The following SLC15A5 variants were observed in gnomAD, a reference collection of about 807,000 sequenced individuals.
The protein encoded by SLC15A5 is solute carrier family 15 member 5.
SLC15A5 carries 58 observed loss-of-function variants against 56.1 expected under a neutral mutation model. That is an observed-to-expected ratio of 1.03 (90% CI 0.84 to 1.29). The LOEUF is 1.29. SLC15A5 is among the 50% of genes most tolerant of loss of function. The probability of loss-of-function intolerance (pLI) is 0.00; values close to 1 mark genes in which losing one functional copy is unlikely to be tolerated. For synonymous variants in SLC15A5, 264 were observed against 250.5 expected (o/e 1.05, Z -0.51); for missense variants, 681 against 672.1 (o/e 1.01, Z -0.15).
At chr12:16,244,494 G>A (rs1035098305) in intron 4 of SLC15A5, 86 bp downstream of exon 4, 19 of 1,238,252 alleles carry the variant, frequency 1.5e-5, no homozygotes, top group South Asian at 1.1e-4. Flanking sequence ...GAAAGCGCTC[G>A]TTGGGGAGAA....
At chr12:16,254,570 C>T (rs1291334355) in intron 3 of SLC15A5, among the ~76,000 whole-genome samples, 7 of 151,938 alleles carry the variant, frequency 4.6e-5, no homozygotes, top group Admixed American at 4.6e-4. Context: ...GTATAGATAC[C>T]ACATTTTCTT....
In SLC15A5 at chr12:16,257,873, G is replaced by A. The variant is rs1864593155; in HGVS notation, c.585-3C>T. On this transcript the variant is annotated splice_region_variant and splice_polypyrimidine_tract_variant and intron_variant, in intron 2 of 8. Transcript: ENST00000344941. Reference sequence around the variant, plus strand: ...TTAGGTTCATGAGCCAATAAAACCTGGGGTATACAGACAGACAAAAATAAA... The same window carrying A: ...TTAGGTTCATGAGCCAATAAAACCTAGGGTATACAGACAGACAAAAATAAA... 4 of 1,462,108 alleles carry A rather than the reference G, an allele frequency of 2.7e-6. No individual in the cohort carries two copies. The highest frequency in any genetic ancestry group is 2.6e-5 in the East Asian group (1 of 38,264). 90.6% of individuals were successfully genotyped at this position (1,462,108 alleles called of 1,614,324 possible). A position where few individuals can be genotyped will look rare whatever the true frequency, so the allele number is the denominator to read the frequency against.
At chr12:16,233,195 TA>T (rs1392801048) in intron 5 of SLC15A5, among the ~76,000 whole-genome samples, 1 of 152,178 alleles carries the variant, frequency 6.6e-6, no homozygotes, top group Non-Finnish European at 1.5e-5. Flanking sequence ...TTGTGCTATG[TA>T]AAAATGCTTA....
At chr12:16,262,304 TTCATTCCTCTCATTCCTC>T (rs200360801) in intron 2 of SLC15A5, among the ~76,000 whole-genome samples, 6 of 152,194 alleles carry the variant, frequency 3.9e-5, no homozygotes, top group African/African-American at 1.2e-4. Context: ...GAAATTACCT[TTCATTCCTCTCATTCCTC>T]TCATTCCTCT....
chr12:16,220,310 G>T (rs1249875433), intron 6 of SLC15A5, among the ~76,000 whole-genome samples: 3 of 152,124 alleles, frequency 2.0e-5, no homozygotes, highest in Admixed American at 1.3e-4. Context: ...AGAGTTGTCA[G>T]TTCCTCTCTC....
chr12:16,232,929 G>A (rs923237336), intron 5 of SLC15A5, among the ~76,000 whole-genome samples: 10 of 123,354 alleles, frequency 8.1e-5, no homozygotes, highest in South Asian at 2.9e-4. Flanking sequence ...AAGAAAAAAA[G>A]AAAGAGAGAG....
At chr12:16,203,209 G>A (rs761363073) in intron 7 of SLC15A5, among the ~76,000 whole-genome samples, 5 of 151,796 alleles carry the variant, frequency 3.3e-5, no homozygotes, top group Non-Finnish European at 7.4e-5. Flanking sequence ...AATGTATGCA[G>A]GTATTGAAAC....
intron 3 of SLC15A5, among the ~76,000 whole-genome samples, chr12:16,252,499 T>G (rs1396418983): frequency 6.6e-6 from 1 of 152,058 alleles, no homozygotes; most frequent in Non-Finnish European, 1.5e-5. Context: ...CAGTTGCATT[T>G]CTATAATTAA....
Position 16,189,551 on chromosome 12 carries a change from T to G in SLC15A5, c.*117A>C. 1 of 810,036 alleles carries G rather than the reference T, an allele frequency of 1.2e-6. No homozygotes were observed. Among genetic ancestry groups the G allele is most frequent in the South Asian group, 5.7e-5 (1 of 17,420 alleles). 50.2% of individuals were successfully genotyped at this position (810,036 alleles called of 1,614,324 possible). A position where few individuals can be genotyped will look rare whatever the true frequency, so the allele number is the denominator to read the frequency against. On this transcript the variant is annotated 3_prime_UTR_variant, in exon 9 of 9. Coordinates refer to ENST00000344941, the MANE Select transcript of SLC15A5 (RefSeq NM_001170798.1). ...CTTTGTAAATAAAGTATACAGATGA[T>G]ATTTGTAAAATCACCTCTGTATATA...
At position 16,277,415 on chromosome 12, in the gene SLC15A5, T is replaced by C. The variant is rs762638984; in HGVS notation, c.271A>G (p.Ile91Val). 2.2e-5 allele frequency: 34 copies of C among 1,536,554 alleles called. No individual in the cohort carries two copies. The highest frequency in any genetic ancestry group is 2.2e-4 in the African/African-American group (16 of 73,082). Reference sequence around the variant, plus strand: ...CATCTGACAAACACAGGGGTAAGTATTGAAGTTCCAATAAAACACAAGTTT... The same window carrying C: ...CATCTGACAAACACAGGGGTAAGTACTGAAGTTCCAATAAAACACAAGTTT... ...ILNLCFIGTS[I>V]LTPVFVRWLT... Residue 91 changes from isoleucine (I) to valine (V), a missense_variant, in exon 1 of 9, where the codon ATA becomes GTA. Coordinates refer to ENST00000344941, the MANE Select transcript of SLC15A5 (RefSeq NM_001170798.1).
chr12:16,259,028 T>TTTTTTTTTTTTC (rs1864611977), intron 2 of SLC15A5, among the ~76,000 whole-genome samples: 1 of 12,488 alleles, frequency 8.0e-5, no homozygotes, highest in African/African-American at 4.5e-4. Context: ...TCTTTCCTTT[T>TTTTTTTTTTTTC]TTTTTTTTTT....
At chr12:16,226,874 C>T (rs952411083) in intron 5 of SLC15A5, among the ~76,000 whole-genome samples, 9 of 152,146 alleles carry the variant, frequency 5.9e-5, no homozygotes, top group Non-Finnish European at 1.2e-4. Flanking sequence ...CAAACTTTAG[C>T]TTGATGGAAT....
intron 3 of SLC15A5, among the ~76,000 whole-genome samples, chr12:16,251,131 T>G (rs1355293185): frequency 1.3e-5 from 2 of 152,072 alleles, no homozygotes; most frequent in East Asian, 3.9e-4. Flanking sequence ...AGAAAATATC[T>G]GGACACAGAT....
At chr12:16,197,786 T>C (rs1354419597) in intron 7 of SLC15A5, among the ~76,000 whole-genome samples, 5 of 151,946 alleles carry the variant, frequency 3.3e-5, no homozygotes, top group Non-Finnish European at 7.4e-5. Context: ...CCAGGACTGG[T>C]TGTAAAATGT....
chr12:16,258,691 C>G (rs931930328), intron 2 of SLC15A5, among the ~76,000 whole-genome samples: 65 of 151,792 alleles, frequency 4.3e-4, no homozygotes, highest in Admixed American at 7.2e-4. Context: ...TTTAGATAAG[C>G]CTTAGTACAC....
intron 6 of SLC15A5, among the ~76,000 whole-genome samples, chr12:16,222,614 T>C (rs749163437): frequency 6.6e-6 from 1 of 152,208 alleles, no homozygotes; most frequent in African/African-American, 2.4e-5. Flanking sequence ...CAATAGCAGA[T>C]GAGTCAAGTG....
intron 7 of SLC15A5, among the ~76,000 whole-genome samples, chr12:16,205,058 G>A (rs1864000554): frequency 6.6e-6 from 1 of 151,884 alleles, no homozygotes; most frequent in East Asian, 1.9e-4. Flanking sequence ...TATTCTTAAA[G>A]TATCATGAGC....
chr12:16,211,149 G>A (rs1244687163), intron 7 of SLC15A5, among the ~76,000 whole-genome samples: 2 of 152,180 alleles, frequency 1.3e-5, no homozygotes, highest in African/African-American at 4.8e-5. Context: ...AGTTGGACCC[G>A]AGGCATAGAT....
At chr12:16,213,312 A>G (rs1864101044) in intron 7 of SLC15A5, among the ~76,000 whole-genome samples, 2 of 152,200 alleles carry the variant, frequency 1.3e-5, no homozygotes, top group Admixed American at 6.5e-5. Flanking sequence ...AACGTAATAT[A>G]TTATTTATTA....
Sources: allele counts gnomAD v4.1 joint callset (sites outside exome capture counted in the v4.1 genomes callset), GRCh38; gene constraint gnomAD v4.1.1; transcripts MANE v1.5; gene names NCBI Gene and HGNC (gene_info 2026-07-23, HGNC 2026-07-21).